ASIC2: variants seen among roughly 807,000 people sequenced by gnomAD.
ASIC2 encodes the protein acid sensing ion channel subunit 2, also known as acid-sensing ion channel 2.
In ASIC2, 25 loss-of-function variants were observed where a neutral mutation model predicts 57.3. The observed-to-expected ratio is 0.44, with a 90% CI of 0.32 to 0.61. The LOEUF (loss-of-function observed/expected upper bound fraction) is 0.61, where lower values mean the gene tolerates loss of function less well. Ranked by LOEUF, ASIC2 falls within the 20% of genes least tolerant of loss-of-function variation. ASIC2 has a pLI of 0.06. For synonymous variants in ASIC2, 319 were observed against 307.5 expected, an observed-to-expected ratio of 1.04 and a Z score of -0.39; for missense variants, 641 against 738.1, an observed-to-expected ratio of 0.87 and a Z score of 1.52.
rs1003059383 is a variant in ASIC2 at position 33,249,590 on chromosome 17, C to T, written c.708+41818G>A. ...CTGTCTAGGAATCCAAGTGAATAAA[C>T]ACGTCAGTGGTGGGAGGTATAACAT... On this transcript the variant is annotated intron_variant, in intron 1 of 9. Coordinates refer to ENST00000225823, the MANE Select transcript of ASIC2 (RefSeq NM_183377.2). Among the ~76,000 whole-genome samples the T allele has an allele frequency of 2.6e-5, 4 of 152,260 alleles. 1 individual carries two copies. The highest frequency in any genetic ancestry group is 6.8e-3 in the Middle Eastern group (2 of 294).
chr17:33,618,701 G>A (rs979251674), intron 1 of ASIC2, among the ~76,000 whole-genome samples: 1 of 152,100 alleles, frequency 6.6e-6, no homozygotes, highest in Non-Finnish European at 1.5e-5. Context: ...AAACTCCTTA[G>A]CCTGGCATAA....
chr17:33,593,693 G>A (rs148047916), intron 1 of ASIC2, among the ~76,000 whole-genome samples: 74 of 152,316 alleles, frequency 4.9e-4, no homozygotes, highest in African/African-American at 1.7e-3. Context: ...CTGAATAAGT[G>A]TTGACTTTTG....
intron 1 of ASIC2, among the ~76,000 whole-genome samples, chr17:33,423,334 T>G (rs903577628): frequency 6.6e-6 from 1 of 152,152 alleles, no homozygotes; most frequent in African/African-American, 2.4e-5. Flanking sequence ...TGGGTTTGAA[T>G]CTGGTCCTAT....
At chr17:33,596,517 A>G (rs1465680014) in intron 1 of ASIC2, among the ~76,000 whole-genome samples, 2 of 152,190 alleles carry the variant, frequency 1.3e-5, no homozygotes, top group African/African-American at 4.8e-5. Context: ...CACTCCCTGC[A>G]CTTTTTCTAC....
intron 1 of ASIC2, among the ~76,000 whole-genome samples, chr17:33,679,385 T>C (rs972867937): frequency 5.9e-5 from 9 of 152,212 alleles, no homozygotes; most frequent in African/African-American, 1.9e-4. Context: ...TAATTACCCA[T>C]TGGTATCCCA....
At chr17:33,567,658 C>A (rs1250600496) in intron 1 of ASIC2, among the ~76,000 whole-genome samples, 1 of 152,000 alleles carries the variant, frequency 6.6e-6, no homozygotes, top group East Asian at 1.9e-4. Flanking sequence ...AAAGGGAGGG[C>A]AAGGGATAGA....
intron 1 of ASIC2, among the ~76,000 whole-genome samples, chr17:34,123,336 A>C (rs2142121056): frequency 6.6e-6 from 1 of 152,238 alleles, no homozygotes; most frequent in South Asian, 2.1e-4. Flanking sequence ...CGCCCAACCC[A>C]GTCAGGAGGA....
intron 1 of ASIC2, among the ~76,000 whole-genome samples, chr17:33,687,662 C>G (rs1181988319): frequency 6.6e-6 from 1 of 152,186 alleles, no homozygotes; most frequent in Non-Finnish European, 1.5e-5. Context: ...TGAATCCAGA[C>G]AGTTCATGGG....
chr17:34,095,678 G>T lies in ASIC2; in HGVS notation c.555+60300C>A, dbSNP rs544504146. ...ATAATTTTATATATATATAGAGAGAGAGATATATATAATTTTATATAGAGA... is the reference window on the plus strand; with the variant it reads ...ATAATTTTATATATATATAGAGAGATAGATATATATAATTTTATATAGAGA... On this transcript the variant is annotated intron_variant, in intron 1 of 9. Transcript: ENST00000359872. 6.5e-5 allele frequency among the ~76,000 whole-genome samples: 8 copies of T among 123,316 alleles called. No individual in the cohort carries two copies. The South Asian group carries it at 7.6e-4, about 12-fold the overall frequency. 80.9% of individuals were successfully genotyped at this position (123,316 alleles called of 152,430 possible).
At chr17:33,685,955 C>T (rs778030245) in intron 1 of ASIC2, among the ~76,000 whole-genome samples, 3 of 152,144 alleles carry the variant, frequency 2.0e-5, no homozygotes, top group Non-Finnish European at 4.4e-5. Context: ...GACCGGGACA[C>T]GGGGGACCAG....
intron 1 of ASIC2, among the ~76,000 whole-genome samples, chr17:33,929,136 C>T (rs1044768382): frequency 2.0e-5 from 3 of 152,092 alleles, no homozygotes; most frequent in African/African-American, 4.8e-5. Context: ...TCCCCTCAGA[C>T]CCCCCATTGG....
intron 1 of ASIC2, among the ~76,000 whole-genome samples, chr17:33,144,162 A>T (rs1215484244): frequency 6.6e-6 from 1 of 152,072 alleles, no homozygotes. Context: ...ACAAACAAAA[A>T]AAAAAACGAA....
chr17:33,601,698 C>CA (rs1905118656), intron 1 of ASIC2, among the ~76,000 whole-genome samples: 1 of 152,214 alleles, frequency 6.6e-6, no homozygotes, highest in Non-Finnish European at 1.5e-5. Context: ...ACCCAGCATG[C>CA]AACTCCAGCC....
chr17:33,839,839 C>A (rs543476954), intron 1 of ASIC2, among the ~76,000 whole-genome samples: 336 of 152,300 alleles, frequency 2.2e-3, no homozygotes, highest in African/African-American at 7.8e-3. Flanking sequence ...GCCTCCAGCT[C>A]CTTTCAGCAC....
intron 1 of ASIC2, among the ~76,000 whole-genome samples, chr17:33,491,313 C>T (rs1350451860): frequency 6.6e-6 from 1 of 152,166 alleles, no homozygotes; most frequent in Admixed American, 6.5e-5. Context: ...TAACATGATG[C>T]TGGGCACCCA....
intron 1 of ASIC2, among the ~76,000 whole-genome samples, chr17:33,411,680 A>G (rs1312438277): frequency 6.6e-6 from 1 of 152,330 alleles, no homozygotes; most frequent in South Asian, 2.1e-4. Flanking sequence ...CAATAGGAAG[A>G]AAAAAATGAA....
intron 1 of ASIC2, among the ~76,000 whole-genome samples, chr17:33,734,198 A>G (rs1259977652): frequency 6.6e-6 from 1 of 151,836 alleles, no homozygotes; most frequent in African/African-American, 2.4e-5. Context: ...CTCCCGTGTG[A>G]GGCCAGCCCT....
intron 1 of ASIC2, among the ~76,000 whole-genome samples, chr17:33,637,635 T>C (rs1319971961): frequency 1.3e-5 from 2 of 152,052 alleles, no homozygotes; most frequent in Non-Finnish European, 2.9e-5. Context: ...ACAATAAATA[T>C]ACACAATGCT....
chr17:33,399,410 G>T (rs1437966722), intron 1 of ASIC2, among the ~76,000 whole-genome samples: 1 of 152,158 alleles, frequency 6.6e-6, no homozygotes, highest in Non-Finnish European at 1.5e-5. Context: ...GCTTGTCCTT[G>T]CAATTCCCAG....
Sources: allele counts gnomAD v4.1 joint callset (sites outside exome capture counted in the v4.1 genomes callset), GRCh38; gene constraint gnomAD v4.1.1; transcripts MANE v1.5; gene names NCBI Gene and HGNC (gene_info 2026-07-23, HGNC 2026-07-21).